RPS6KA6: variants seen among roughly 807,000 people sequenced by gnomAD.
RPS6KA6 encodes the protein ribosomal protein S6 kinase A6, also known as ribosomal protein S6 kinase alpha-6.
Under a neutral mutation model 65.4 loss-of-function variants are expected in RPS6KA6, and 27 were observed. The observed-to-expected ratio is 0.41, with a 90% CI of 0.30 to 0.57. The LOEUF is 0.57. Among genes scored for constraint, RPS6KA6 ranks in the 20% least tolerant of loss-of-function variants. The pLI is 0.24. For synonymous variants in RPS6KA6, 190 were observed against 184.2 expected (o/e 1.03, Z -0.26); for missense variants, 486 against 555.6 (o/e 0.87, Z 1.26).
intron 1 of RPS6KA6, among the ~76,000 whole-genome samples, chrX:84,178,614 A>C (rs1202420708): frequency 9.0e-6 from 1 of 111,716 alleles, no homozygotes; most frequent in East Asian, 2.8e-4. Flanking sequence ...CATTAAAATT[A>C]TTATGAAAAC....
intron 20 of RPS6KA6, among the ~76,000 whole-genome samples, chrX:84,094,288 T>C (rs2034105184): frequency 1.2e-5 from 1 of 84,337 alleles, no homozygotes; most frequent in African/African-American, 4.6e-5. Flanking sequence ...CTTTTGGCAA[T>C]GGGCTAACTG....
chrX:84,065,545 G>T (rs1297618594), intron 20 of RPS6KA6, among the ~76,000 whole-genome samples: 1 of 111,656 alleles, frequency 9.0e-6, no homozygotes, highest in Non-Finnish European at 1.9e-5. Flanking sequence ...ATAAATGGTG[G>T]CTTACTATAT....
chrX:84,158,315 C>T (rs1000460098), intron 2 of RPS6KA6, among the ~76,000 whole-genome samples: 1 of 110,269 alleles, frequency 9.1e-6, no homozygotes, highest in Non-Finnish European at 1.9e-5. Flanking sequence ...TGAAAACATC[C>T]CATTGTACAC....
At chrX:84,064,471 A>C in intron 21 of RPS6KA6, 69 bp from the exon 22 acceptor site, 2 of 976,890 alleles carry the variant, frequency 2.0e-6, no homozygotes, top group Non-Finnish European at 2.8e-6. Context: ...AAACTTTCAC[A>C]TGATATCATG....
intron 11 of RPS6KA6, among the ~76,000 whole-genome samples, chrX:84,116,666 G>A (rs1370370590): frequency 8.2e-5 from 9 of 109,854 alleles, no homozygotes; most frequent in South Asian, 7.9e-4. Context: ...TAATAGGATC[G>A]CATCTGGATA....
chrX:84,187,806 C>T lies in RPS6KA6; in HGVS notation c.81+13G>A, dbSNP rs1300051260. 27 of 1,196,898 alleles carry T rather than the reference C, an allele frequency of 2.3e-5. No individual in the cohort carries two copies. Among genetic ancestry groups the T allele is most frequent in the Admixed American group, 4.5e-5 (2 of 44,823 alleles). On this transcript the variant is annotated intron_variant, in intron 1 of 21. Transcript: ENST00000262752. The stretch of plus-strand genomic sequence containing the variant: ...GGGGGTTGGCTCCAGCCCGTCTTGG[C>T]CACCACACTAACCTCGCCGCTGCTC...
At chrX:84,096,449 T>C in intron 19 of RPS6KA6, 138 bp from the exon 20 acceptor site, 1 of 319,511 alleles carries the variant, frequency 3.1e-6, no homozygotes, top group Middle Eastern at 7.7e-4. Context: ...ACTGTTAAAG[T>C]CAAATTTTAT....
At chrX:84,068,549 A>G (rs2033455366) in intron 20 of RPS6KA6, among the ~76,000 whole-genome samples, 1 of 112,001 alleles carries the variant, frequency 8.9e-6, no homozygotes, top group South Asian at 3.7e-4. Flanking sequence ...CCTATTCATC[A>G]TAGTATTGGA....
chrX:84,175,566 C>T (rs1490977282), intron 1 of RPS6KA6, among the ~76,000 whole-genome samples: 1 of 110,945 alleles, frequency 9.0e-6, no homozygotes, highest in Non-Finnish European at 1.9e-5. Context: ...CCATACATAC[C>T]GAGGCTCTAC....
At chrX:84,136,836 T>C (rs1446562513) in intron 6 of RPS6KA6, among the ~76,000 whole-genome samples, 1 of 111,093 alleles carries the variant, frequency 9.0e-6, no homozygotes, top group Non-Finnish European at 1.9e-5. Context: ...ACCTTGCAAA[T>C]GGAGAAAGAA....
At chrX:84,091,206 A>G (rs933513647) in intron 20 of RPS6KA6, among the ~76,000 whole-genome samples, 2 of 112,504 alleles carry the variant, frequency 1.8e-5, no homozygotes, top group African/African-American at 6.5e-5. Context: ...TGAAAAATAA[A>G]TATTTATGTA....
Position 84,106,387 on chromosome X carries a change from G to A in RPS6KA6, c.1343C>T (p.Thr448Ile). Residue 448 changes from threonine to isoleucine, a missense_variant, in exon 15 of 22, where the codon ACC (threonine) becomes ATC (isoleucine). Transcript: ENST00000262752. ...SVCKRCIHAT[T>I]NMEFAVKIID... ...TACCTTCACTGCAAATTCCATGTTG[G>A]TAGTTGCATGTATGCATCGCTTGCA... 8.3e-7 allele frequency: 1 copy of A among 1,201,239 alleles called. No individual in the cohort carries two copies. Among genetic ancestry groups the A allele is most frequent in the Non-Finnish European group, 1.1e-6 (1 of 889,004 alleles).
intron 1 of RPS6KA6, among the ~76,000 whole-genome samples, chrX:84,180,287 C>T (rs6616914): frequency 0.062 from 6,950 of 111,670 alleles, 230 homozygotes; most frequent in East Asian, 0.21. Flanking sequence ...TAATAATTTC[C>T]CCAGAATCTT....
chrX:84,134,961 C>T, intron 7 of RPS6KA6, 142 bp from the exon 8 acceptor site: 13 of 583,960 alleles, frequency 2.2e-5, no homozygotes, highest in South Asian at 6.4e-5. Flanking sequence ...AGTCAATGTA[C>T]GTCTCACAAA....
chrX:84,135,730 G>C (rs1197418591), intron 6 of RPS6KA6, among the ~76,000 whole-genome samples: 5 of 111,416 alleles, frequency 4.5e-5, no homozygotes, highest in Non-Finnish European at 9.4e-5. Flanking sequence ...ACTGCCACAA[G>C]TTGTTAAATT....
intron 20 of RPS6KA6, among the ~76,000 whole-genome samples, chrX:84,085,757 C>A (rs768006973): frequency 8.9e-6 from 1 of 111,755 alleles, no homozygotes; most frequent in South Asian, 3.7e-4. Context: ...GGAATGGTAC[C>A]AGCTCTTCTT....
intron 2 of RPS6KA6, among the ~76,000 whole-genome samples, chrX:84,163,713 A>T: frequency 9.0e-6 from 1 of 111,143 alleles, no homozygotes; most frequent in African/African-American, 3.3e-5. Context: ...ACCATAAAAT[A>T]ACAACATAAA....
At chrX:84,095,565 T>C (rs2034136129) in intron 20 of RPS6KA6, among the ~76,000 whole-genome samples, 2 of 111,567 alleles carry the variant, frequency 1.8e-5, no homozygotes, top group South Asian at 7.4e-4. Flanking sequence ...TAGTACATTT[T>C]GAAGACTCAG....
At chrX:84,129,042 A>G (rs2034846223) in intron 8 of RPS6KA6, among the ~76,000 whole-genome samples, 1 of 111,425 alleles carries the variant, frequency 9.0e-6, no homozygotes, top group African/African-American at 3.3e-5. Flanking sequence ...GAAACAATCA[A>G]TAACATGAAG....
Sources: allele counts gnomAD v4.1 joint callset (sites outside exome capture counted in the v4.1 genomes callset), GRCh38; gene constraint gnomAD v4.1.1; transcripts MANE v1.5; gene names NCBI Gene and HGNC (gene_info 2026-07-23, HGNC 2026-07-21).